Variants in SH3GL2 observed in about 807,000 individuals in gnomAD.
The protein encoded by SH3GL2 is SH3 domain containing GRB2 like 2, endophilin A1.
A neutral mutation model predicts 46.0 loss-of-function variants in SH3GL2; 24 were observed. The ratio of observed to expected loss-of-function variants is 0.52; its 90% CI spans 0.38 to 0.73. The LOEUF (loss-of-function observed/expected upper bound fraction) is 0.73, where lower values mean the gene tolerates loss of function less well. SH3GL2 is among the 30% of genes least tolerant of loss of function. The pLI is 0.00. For missense variants in SH3GL2, 413 were observed against 424.2 expected (o/e 0.97, Z 0.23); for synonymous variants, 196 against 147.1 (o/e 1.33, Z -2.40).
chr9:17,729,842 A>G (rs1822123878), intron 1 of SH3GL2, among the ~76,000 whole-genome samples: 1 of 152,190 alleles, frequency 6.6e-6, no homozygotes, highest in Non-Finnish European at 1.5e-5. Flanking sequence ...TATGAGTACC[A>G]TGCTGTTTTG....
intron 1 of SH3GL2, among the ~76,000 whole-genome samples, chr9:17,607,808 G>T (rs180777268): frequency 1.3e-5 from 2 of 152,170 alleles, no homozygotes; most frequent in East Asian, 1.9e-4. Flanking sequence ...TAGCAGAATT[G>T]CCTAGATTGA....
intron 1 of SH3GL2, among the ~76,000 whole-genome samples, chr9:17,652,977 A>G (rs999238238): frequency 2.6e-5 from 4 of 152,062 alleles, no homozygotes; most frequent in African/African-American, 7.2e-5. Context: ...TTTGGCTGCA[A>G]TTCTATTCTG....
chr9:17,626,467 C>G (rs946003232), intron 1 of SH3GL2, among the ~76,000 whole-genome samples: 1 of 152,192 alleles, frequency 6.6e-6, no homozygotes, highest in Non-Finnish European at 1.5e-5. Context: ...ATTTCCTGCT[C>G]TGTTTTTGAT....
At chr9:17,712,972 G>A (rs1237700482) in intron 1 of SH3GL2, among the ~76,000 whole-genome samples, 1 of 151,266 alleles carries the variant, frequency 6.6e-6, no homozygotes, top group Non-Finnish European at 1.5e-5. Flanking sequence ...TAGAGAAAAA[G>A]CATTCAGTCT....
chr9:17,605,337 T>A (rs1037868520), intron 1 of SH3GL2, among the ~76,000 whole-genome samples: 2 of 152,138 alleles, frequency 1.3e-5, no homozygotes, highest in African/African-American at 2.4e-5. Flanking sequence ...TGACTCATCC[T>A]CTTCCTGACT....
chr9:17,691,834 G>A (rs1194946254), intron 1 of SH3GL2, among the ~76,000 whole-genome samples: 1 of 151,970 alleles, frequency 6.6e-6, no homozygotes, highest in Non-Finnish European at 1.5e-5. Flanking sequence ...TAGTGGTTTT[G>A]TACACTTTTG....
chr9:17,734,260 C>G (rs1252305594), intron 1 of SH3GL2, among the ~76,000 whole-genome samples: 2 of 152,038 alleles, frequency 1.3e-5, no homozygotes, highest in African/African-American at 4.8e-5. Flanking sequence ...ACATGTTTGT[C>G]TGAGGTAGAA....
intron 2 of SH3GL2, among the ~76,000 whole-genome samples, chr9:17,747,685 A>AT (rs927975984): frequency 2.0e-5 from 3 of 151,802 alleles, no homozygotes; most frequent in Non-Finnish European, 2.9e-5. Context: ...TATTGTTATT[A>AT]TTTTTTTGAG....
intron 1 of SH3GL2, among the ~76,000 whole-genome samples, chr9:17,629,495 T>G (rs1350572665): frequency 4.6e-5 from 7 of 152,134 alleles, no homozygotes; most frequent in Admixed American, 6.6e-5. Context: ...TTTCATAACA[T>G]TCTTCCAAAA....
At chr9:17,775,667 C>T (rs867667761) in intron 3 of SH3GL2, among the ~76,000 whole-genome samples, 7 of 152,146 alleles carry the variant, frequency 4.6e-5, no homozygotes, top group African/African-American at 1.7e-4. Context: ...GGCTTGGTTT[C>T]TATAAGACAG....
chr9:17,676,873 A>G (rs1260524374), intron 1 of SH3GL2, among the ~76,000 whole-genome samples: 1 of 152,030 alleles, frequency 6.6e-6, no homozygotes, highest in Non-Finnish European at 1.5e-5. Context: ...ATCTTTTTAT[A>G]TTATTTTTCT....
intron 1 of SH3GL2, among the ~76,000 whole-genome samples, chr9:17,743,084 T>G (rs1822575037): frequency 6.6e-6 from 1 of 152,188 alleles, no homozygotes; most frequent in South Asian, 2.1e-4. Flanking sequence ...AACAGAGCTC[T>G]TCATTATTGG....
intron 1 of SH3GL2, among the ~76,000 whole-genome samples, chr9:17,647,411 T>TTC (rs144759576): frequency 1.7e-3 from 250 of 148,808 alleles, no homozygotes; most frequent in Non-Finnish European, 1.7e-3. Flanking sequence ...TCTTGTTAGT[T>TTC]TCTCTCTCTC....
At chr9:17,757,728 A>G (rs1823040397) in intron 2 of SH3GL2, among the ~76,000 whole-genome samples, 1 of 152,254 alleles carries the variant, frequency 6.6e-6, no homozygotes, top group African/African-American at 2.4e-5. Flanking sequence ...TCAAATGGCA[A>G]TAAGCTCAAT....
At chr9:17,612,375 A>G (rs1818887735) in intron 1 of SH3GL2, among the ~76,000 whole-genome samples, 1 of 152,084 alleles carries the variant, frequency 6.6e-6, no homozygotes, top group Non-Finnish European at 1.5e-5. Flanking sequence ...AACCCTCTTA[A>G]CCTTACCACA....
At chr9:17,688,216 G>T (rs566208385) in intron 1 of SH3GL2, among the ~76,000 whole-genome samples, 7 of 152,134 alleles carry the variant, frequency 4.6e-5, no homozygotes, top group African/African-American at 1.7e-4. Flanking sequence ...TCAATTTTAT[G>T]GGAGACTCAG....
At chr9:17,618,827 G>T (rs752565544) in intron 1 of SH3GL2, among the ~76,000 whole-genome samples, 1 of 150,996 alleles carries the variant, frequency 6.6e-6, no homozygotes, top group Admixed American at 6.6e-5. Flanking sequence ...GGTTTAAGGA[G>T]TTGAAAGTTT....
intron 1 of SH3GL2, among the ~76,000 whole-genome samples, chr9:17,598,452 A>G (rs1470881169): frequency 6.6e-6 from 1 of 152,206 alleles, no homozygotes; most frequent in Non-Finnish European, 1.5e-5. Flanking sequence ...GTGGTCATGC[A>G]GTGTTTCCCT....
intron 1 of SH3GL2, among the ~76,000 whole-genome samples, chr9:17,650,068 A>G (rs915606530): frequency 2.6e-5 from 4 of 152,214 alleles, no homozygotes; most frequent in Admixed American, 1.3e-4. Flanking sequence ...CCCTGGAGAG[A>G]GTAGAGTTGA....
Sources: allele counts gnomAD v4.1 joint callset (sites outside exome capture counted in the v4.1 genomes callset), GRCh38; gene constraint gnomAD v4.1.1; transcripts MANE v1.5; gene names NCBI Gene and HGNC (gene_info 2026-07-23, HGNC 2026-07-21).